ZMYND11: variants seen among roughly 807,000 people sequenced by gnomAD.
The protein encoded by ZMYND11 is zinc finger MYND-type containing 11, also known as zinc finger MYND domain-containing protein 11.
ZMYND11 carries 9 observed loss-of-function variants against 84.9 expected under a neutral mutation model. The observed-to-expected ratio is 0.11, with a 90% CI of 0.06 to 0.18. ZMYND11 has a LOEUF of 0.18. Among genes scored for constraint, ZMYND11 ranks in the 10% least tolerant of loss-of-function variants. ZMYND11 has a pLI of 1.00. For synonymous variants in ZMYND11, 250 were observed against 244.1 expected (o/e 1.02, Z -0.23); for missense variants, 409 against 761.0 (o/e 0.54, Z 5.44).
At chr10:241,341 C>T (rs999840708) in intron 9 of ZMYND11, among the ~76,000 whole-genome samples, 1 of 152,166 alleles carries the variant, frequency 6.6e-6, no homozygotes, top group Admixed American at 6.5e-5. Flanking sequence ...CCACACCTGG[C>T]TAATTTTTGT....
chr10:159,796 C>G (rs905440582), intron 1 of ZMYND11, among the ~76,000 whole-genome samples: 5 of 152,034 alleles, frequency 3.3e-5, no homozygotes, highest in Non-Finnish European at 2.9e-5. Flanking sequence ...TGTTTCTACT[C>G]TTTGGTTTTA....
chr10:230,620 C>T (rs993407771), intron 4 of ZMYND11, among the ~76,000 whole-genome samples: 1 of 151,720 alleles, frequency 6.6e-6, no homozygotes, highest in African/African-American at 2.4e-5. Flanking sequence ...CTATTGGTGA[C>T]ATTATTCTTG....
At chr10:197,038 C>T (rs954022060) in intron 2 of ZMYND11, among the ~76,000 whole-genome samples, 81 of 116,840 alleles carry the variant, frequency 6.9e-4, no homozygotes, top group Middle Eastern at 8.1e-3. Context: ...TTTTAGTTCA[C>T]GTGTGTGCCC....
At chr10:159,281 G>A (rs1554760762) in intron 1 of ZMYND11, among the ~76,000 whole-genome samples, 1 of 152,024 alleles carries the variant, frequency 6.6e-6, no homozygotes, top group Non-Finnish European at 1.5e-5. Context: ...GGGTCAAAGA[G>A]TAAATGTATA....
intron 1 of ZMYND11, among the ~76,000 whole-genome samples, chr10:145,932 T>G (rs1253098849): frequency 6.6e-6 from 1 of 152,162 alleles, no homozygotes; most frequent in Non-Finnish European, 1.5e-5. Context: ...GCTTTTGGGG[T>G]CTTAGTCATA....
upstream of ZMYND11, among the ~76,000 whole-genome samples, chr10:133,994 T>A (rs1021294039): frequency 2.0e-5 from 3 of 152,156 alleles, no homozygotes; most frequent in Non-Finnish European, 4.4e-5. Flanking sequence ...CAGATTGATA[T>A]ATTTTATCAG....
intron 1 of ZMYND11, among the ~76,000 whole-genome samples, chr10:150,308 C>G (rs1840016369): frequency 6.6e-6 from 1 of 152,136 alleles, no homozygotes; most frequent in African/African-American, 2.4e-5. Flanking sequence ...TTGGTCTATT[C>G]AGGGATTCAG....
intron 2 of ZMYND11, among the ~76,000 whole-genome samples, chr10:181,997 TAAATA>T (rs1847989310): frequency 6.6e-6 from 1 of 152,238 alleles, no homozygotes; most frequent in Non-Finnish European, 1.5e-5. Flanking sequence ...GAAGAATGTT[TAAATA>T]AAATAAGGTT....
rs540476644 is a variant in ZMYND11, at chr10:225,579, T to G, written c.438+4223T>G. Among the ~76,000 whole-genome samples, 80 of 152,246 alleles carry G rather than the reference T, an allele frequency of 5.3e-4. 1 individual carries two copies. The highest frequency in any genetic ancestry group is 1.8e-3 in the African/African-American group (76 of 41,546). On this transcript the variant is annotated intron_variant, in intron 4 of 14. Transcript: ENST00000381604. ...CCCTGGCTGATCTTGAATTCCAGAG[T>G]TCGAGTGACCCTCCTGCCTTGGCCT...
At chr10:178,604 A>G (rs145247055) in intron 1 of ZMYND11, among the ~76,000 whole-genome samples, 3 of 152,352 alleles carry the variant, frequency 2.0e-5, no homozygotes, top group Non-Finnish European at 2.9e-5. Context: ...TATTTTCATT[A>G]TGTATAAATT....
At position 202,016 on chromosome 10, in the gene ZMYND11, G is replaced by C. The variant is rs576525092; in HGVS notation, c.117-7873G>C. On this transcript the variant is annotated intron_variant, in intron 2 of 14. Coordinates refer to ENST00000381604, the MANE Select transcript of ZMYND11 (RefSeq NM_001370100.5). ...CAGTTATAAGAAAATGAGAGACCTG[G>C]AGTATCCTTTATCTGAATGCTAACA... Among the ~76,000 whole-genome samples, 5 of 152,222 alleles carry C rather than the reference G, an allele frequency of 3.3e-5. No individual in the cohort carries two copies. The South Asian group carries it at 8.3e-4, about 25-fold the overall frequency.
chr10:237,488 A>G, intron 5 of ZMYND11, 97 bp from the exon 6 acceptor site: 2 of 739,066 alleles, frequency 2.7e-6, no homozygotes, highest in Non-Finnish European at 4.2e-6. Context: ...ACAAAAATAA[A>G]AAATAAAAAG....
intron 2 of ZMYND11, among the ~76,000 whole-genome samples, chr10:207,452 C>G (rs1156556621): frequency 6.6e-6 from 1 of 152,218 alleles, no homozygotes; most frequent in Non-Finnish European, 1.5e-5. Context: ...TACAGTCCCA[C>G]CAACAGTGTA....
chr10:145,120 G>A (rs1838435796), intron 1 of ZMYND11, among the ~76,000 whole-genome samples: 1 of 150,252 alleles, frequency 6.7e-6, no homozygotes, highest in Non-Finnish European at 1.5e-5. Flanking sequence ...TTCTTTTATG[G>A]CTGAGAGTAT....
intron 2 of ZMYND11, among the ~76,000 whole-genome samples, chr10:186,856 G>T (rs1175396944): frequency 1.3e-5 from 2 of 152,016 alleles, no homozygotes; most frequent in African/African-American, 4.8e-5. Context: ...GGAGTTCATA[G>T]CAGTAATCAT....
intron 1 of ZMYND11, among the ~76,000 whole-genome samples, chr10:161,432 A>G (rs140585107): frequency 6.6e-6 from 1 of 152,216 alleles, no homozygotes; most frequent in Non-Finnish European, 1.5e-5. Flanking sequence ...AGAATGGTAA[A>G]TGAGCATTGG....
rs1835802638 is a variant in ZMYND11 at position 135,671 on chromosome 10, C to T, written c.-20+112C>T. 1 of 149,152 alleles carries T rather than the reference C, an allele frequency of 6.7e-6. No individual in the cohort carries two copies. Among genetic ancestry groups the T allele is most frequent in the African/African-American group, 2.4e-5 (1 of 40,870 alleles). 9.2% of individuals were successfully genotyped at this position (149,152 alleles called of 1,614,324 possible). On this transcript the variant is annotated intron_variant, in intron 1 of 14. Transcript: ENST00000381604. The surrounding 1 kb of genome is among the most constrained non-coding windows in gnomAD (Gnocchi z 5.6). ...GCGGCCTCTGGGGCGGCGGCGGCACCAGTGGGTGCTGACGGTCGCTCGCCC... is the reference window on the plus strand; with the variant it reads ...GCGGCCTCTGGGGCGGCGGCGGCACTAGTGGGTGCTGACGGTCGCTCGCCC...
In ZMYND11 at chr10:254,182, A is replaced by G. The variant is rs1240184364; in HGVS notation, c.*1712A>G. On this transcript the variant is annotated 3_prime_UTR_variant, in exon 15 of 15. Coordinates refer to ENST00000381604, the MANE Select transcript of ZMYND11 (RefSeq NM_001370100.5). Reference sequence around the variant, plus strand: ...TTGTTTTTCAAGTTTTAAGACTTCGATCCACCCCTATGAGAGCAAGTAATT... The same window carrying G: ...TTGTTTTTCAAGTTTTAAGACTTCGGTCCACCCCTATGAGAGCAAGTAATT... 1 of 152,590 alleles carries G rather than the reference A, an allele frequency of 6.6e-6. No homozygotes were observed. The highest frequency in any genetic ancestry group is 1.9e-4 in the East Asian group (1 of 5,192). 9.5% of individuals were successfully genotyped at this position (152,590 alleles called of 1,614,324 possible). A position where few individuals can be genotyped will look rare whatever the true frequency, so the allele number is the denominator to read the frequency against.
At chr10:177,905 C>G (rs1323215337) in intron 1 of ZMYND11, among the ~76,000 whole-genome samples, 2 of 152,124 alleles carry the variant, frequency 1.3e-5, no homozygotes, top group East Asian at 1.9e-4. Context: ...CTTACTCCCA[C>G]TTCCCTTCCT....
Sources: allele counts gnomAD v4.1 joint callset (sites outside exome capture counted in the v4.1 genomes callset), GRCh38; gene constraint gnomAD v4.1.1; non-coding constraint Gnocchi (gnomAD v3.1); transcripts MANE v1.5; gene names NCBI Gene and HGNC (gene_info 2026-07-23, HGNC 2026-07-21).